The following TMEM272 variants were observed in gnomAD, a reference collection of about 807,000 sequenced individuals.
The protein encoded by TMEM272 is transmembrane protein 272, also known as long intergenic non-protein coding RNA 282.
A neutral mutation model predicts 3.7 loss-of-function variants in TMEM272; 8 were observed. The observed-to-expected ratio is 2.17, with a 90% CI of 1.27 to 3.91. TMEM272 has a LOEUF of 3.91. Among genes scored for constraint, TMEM272 ranks in the 30% most tolerant of loss-of-function variants. The pLI, the probability that TMEM272 is intolerant of heterozygous loss-of-function variation, is 0.00. For missense variants in TMEM272, 166 were observed against 91.5 expected (o/e 1.81, Z -3.32); for synonymous variants, 63 against 39.8 (o/e 1.58, Z -2.20).
the TMEM272 span, among the ~76,000 whole-genome samples, chr13:51,864,884 C>T: frequency 6.6e-6 from 1 of 152,206 alleles, no homozygotes; most frequent in East Asian, 1.9e-4. Context: ...CACTCTCCTC[C>T]TCCCCTCTGA....
chr13:51,847,645 C>A (rs578046355), upstream of TMEM272, among the ~76,000 whole-genome samples: 8 of 152,312 alleles, frequency 5.3e-5, no homozygotes, highest in African/African-American at 1.9e-4. Flanking sequence ...TCTTATCTCA[C>A]ACTGAGTGAG....
chr13:51,908,256 T>C, the TMEM272 span: 7 of 801,978 alleles, frequency 8.7e-6, no homozygotes, highest in South Asian at 9.3e-5. Context: ...GCAGGCTCAT[T>C]TGAAGGCAGA....
the TMEM272 span, among the ~76,000 whole-genome samples, chr13:51,897,969 A>G: frequency 1.3e-5 from 2 of 148,614 alleles, no homozygotes; most frequent in African/African-American, 5.0e-5. Context: ...TCACGCCTGT[A>G]ATTCCAGCAC....
chr13:51,917,289 A>G, the TMEM272 span, among the ~76,000 whole-genome samples: 1 of 152,188 alleles, frequency 6.6e-6, no homozygotes, highest in Non-Finnish European at 1.5e-5. Flanking sequence ...CAGGTGAAGG[A>G]CAAGTTTTAT....
chr13:51,851,890 C>T, the TMEM272 span, among the ~76,000 whole-genome samples: 1 of 152,152 alleles, frequency 6.6e-6, no homozygotes, highest in African/African-American at 2.4e-5. Flanking sequence ...GTAAGTGGTT[C>T]CCTATTGCTA....
chr13:51,911,756 G>A, the TMEM272 span, among the ~76,000 whole-genome samples: 6 of 152,246 alleles, frequency 3.9e-5, no homozygotes, highest in African/African-American at 1.4e-4. Context: ...TGAAACAGAG[G>A]TCACATCTGC....
the TMEM272 span, chr13:51,909,480 T>A: frequency 2.2e-6 from 2 of 924,066 alleles, no homozygotes; most frequent in Non-Finnish European, 3.5e-6. Context: ...AGTCATTAAC[T>A]TTCTGTTGAA....
At chr13:51,879,804 A>C in the TMEM272 span, among the ~76,000 whole-genome samples, 2 of 152,202 alleles carry the variant, frequency 1.3e-5, no homozygotes, top group African/African-American at 2.4e-5. Context: ...TTTCAACAGA[A>C]TGTGGCAGGT....
chr13:51,868,359 T>G, the TMEM272 span, among the ~76,000 whole-genome samples: 1 of 152,216 alleles, frequency 6.6e-6, no homozygotes, highest in African/African-American at 2.4e-5. Context: ...TGCATGTCAC[T>G]CGAGTGTGCT....
intron 2 of TMEM272, among the ~76,000 whole-genome samples, chr13:51,830,922 T>A (rs1206641581): frequency 6.6e-6 from 1 of 151,156 alleles, no homozygotes; most frequent in Non-Finnish European, 1.5e-5. Context: ...TCACTCTTGC[T>A]CGAGGTCTAA....
the TMEM272 span, among the ~76,000 whole-genome samples, chr13:51,894,673 C>T: frequency 1.3e-5 from 2 of 152,226 alleles, no homozygotes; most frequent in African/African-American, 4.8e-5. Flanking sequence ...AGCCTGCAGT[C>T]GCTTAAAGCA....
At chr13:51,850,640 TC>T in the TMEM272 span, among the ~76,000 whole-genome samples, 1 of 152,190 alleles carries the variant, frequency 6.6e-6, no homozygotes. Flanking sequence ...TTGCTACCGG[TC>T]CATTTCAATA....
chr13:51,892,819 G>A, the TMEM272 span, among the ~76,000 whole-genome samples: 20 of 152,098 alleles, frequency 1.3e-4, no homozygotes, highest in South Asian at 1.2e-3. Context: ...TTGTTCCTCC[G>A]TCCTAGCAGT....
At chr13:51,821,612 C>G (rs988255806) in intron 4 of TMEM272, among the ~76,000 whole-genome samples, 2 of 137,150 alleles carry the variant, frequency 1.5e-5, no homozygotes, top group Admixed American at 7.7e-5. Context: ...ACTGCTAAAT[C>G]AAACATATTT....
the TMEM272 span, among the ~76,000 whole-genome samples, chr13:51,893,933 G>A: frequency 6.6e-6 from 1 of 152,148 alleles, no homozygotes; most frequent in Admixed American, 6.5e-5. Context: ...GATCACAATA[G>A]TAATAAATGA....
the TMEM272 span, among the ~76,000 whole-genome samples, chr13:51,924,411 C>T: frequency 6.6e-6 from 1 of 152,114 alleles, no homozygotes; most frequent in Non-Finnish European, 1.5e-5. Flanking sequence ...AAACAAAAAC[C>T]TCTTTTCCTC....
At chr13:51,865,659 G>C in the TMEM272 span, 2 of 1,614,208 alleles carry the variant, frequency 1.2e-6, no homozygotes, top group Non-Finnish European at 1.7e-6. Context: ...AGACCTTTCT[G>C]GGAAGAGGAG....
the TMEM272 span, among the ~76,000 whole-genome samples, chr13:51,870,907 T>C: frequency 6.6e-6 from 1 of 152,194 alleles, no homozygotes; most frequent in Non-Finnish European, 1.5e-5. Flanking sequence ...GTTTATTCTT[T>C]GGGGAGGACA....
chr13:51,844,201 C>CAT (rs1350893985), intron 1 of TMEM272, among the ~76,000 whole-genome samples: 10 of 151,948 alleles, frequency 6.6e-5, no homozygotes, highest in Non-Finnish European at 1.0e-4. Context: ...CAACAGTAAA[C>CAT]ATATATATAT....
Sources: allele counts gnomAD v4.1 joint callset (sites outside exome capture counted in the v4.1 genomes callset), GRCh38; gene constraint gnomAD v4.1.1; transcripts MANE v1.5; gene names NCBI Gene and HGNC (gene_info 2026-07-23, HGNC 2026-07-21).